Variants in ZSWIM6 observed in about 807,000 individuals in gnomAD.
ZSWIM6 encodes the protein zinc finger SWIM domain-containing protein 6.
ZSWIM6 carries 9 observed loss-of-function variants against 113.2 expected under a neutral mutation model. The observed-to-expected ratio is 0.08, with a 90% CI of 0.05 to 0.14. The LOEUF (loss-of-function observed/expected upper bound fraction) is 0.14, where lower values mean the gene tolerates loss of function less well. ZSWIM6 is among the 10% of genes least tolerant of loss of function. ZSWIM6 has a pLI of 1.00. For synonymous variants in ZSWIM6, 611 were observed against 606.5 expected, an observed-to-expected ratio of 1.01 and a Z score of -0.11; for missense variants, 1,162 against 1,552.2, an observed-to-expected ratio of 0.75 and a Z score of 4.22.
intron 3 of ZSWIM6, among the ~76,000 whole-genome samples, chr5:61,491,448 T>A (rs1465388689): frequency 6.6e-6 from 1 of 152,114 alleles, no homozygotes; most frequent in Non-Finnish European, 1.5e-5. Flanking sequence ...TTGTTAATTT[T>A]CTCATTCAGA....
intron 9 of ZSWIM6, among the ~76,000 whole-genome samples, chr5:61,533,405 G>A (rs1419543013): frequency 6.6e-6 from 1 of 152,198 alleles, no homozygotes; most frequent in Non-Finnish European, 1.5e-5. Context: ...GAGTAACCCA[G>A]TATTGTTGCT....
At chr5:61,497,434 C>T (rs1198030467) in intron 4 of ZSWIM6, among the ~76,000 whole-genome samples, 2 of 152,118 alleles carry the variant, frequency 1.3e-5, no homozygotes, top group African/African-American at 2.4e-5. Flanking sequence ...CAATTTCTTC[C>T]CCCCATGCTC....
chr5:61,356,814 T>A (rs1744925154), intron 1 of ZSWIM6, among the ~76,000 whole-genome samples: 1 of 142,710 alleles, frequency 7.0e-6, no homozygotes, highest in Admixed American at 7.2e-5. Flanking sequence ...ATATAATTGA[T>A]AAATAAAAAA....
At chr5:61,455,150 TA>T (rs1380671614) in intron 1 of ZSWIM6, among the ~76,000 whole-genome samples, 1 of 152,144 alleles carries the variant, frequency 6.6e-6, no homozygotes, top group African/African-American at 2.4e-5. Context: ...AAAAGTAATT[TA>T]TAAAAAAAAT....
intron 1 of ZSWIM6, among the ~76,000 whole-genome samples, chr5:61,456,545 C>T (rs549289598): frequency 1.5e-3 from 233 of 152,168 alleles, no homozygotes; most frequent in Non-Finnish European, 1.7e-3. Flanking sequence ...TTTACAGTTG[C>T]TGGGGAATAC....
chr5:61,422,459 G>T (rs966122820), intron 1 of ZSWIM6, among the ~76,000 whole-genome samples: 3 of 152,098 alleles, frequency 2.0e-5, no homozygotes, highest in Non-Finnish European at 4.4e-5. Flanking sequence ...TACTGTTTTG[G>T]TTACTATAGC....
intron 1 of ZSWIM6, among the ~76,000 whole-genome samples, chr5:61,357,975 G>A (rs1233867297): frequency 2.0e-5 from 3 of 152,294 alleles, no homozygotes; most frequent in East Asian, 1.9e-4. Flanking sequence ...TATGGCAGAC[G>A]TGGGAAAGTT....
chr5:61,454,643 G>C (rs913316363), intron 1 of ZSWIM6, among the ~76,000 whole-genome samples: 2 of 149,670 alleles, frequency 1.3e-5, no homozygotes, highest in African/African-American at 4.9e-5. Context: ...ATGCAGTGGC[G>C]CGATCTTGGC....
rs1747713469 is a variant in ZSWIM6, at chr5:61,476,667, C to G, written c.1033+3630C>G. On this transcript the variant is annotated intron_variant, in intron 2 of 13. Coordinates refer to ENST00000252744, the MANE Select transcript of ZSWIM6 (RefSeq NM_020928.2). ...AGCTTCCATATTCTTAAAAAAGAAG[C>G]TGGTATCTTTGCTAAGTACTTTTCT... Among the ~76,000 whole-genome samples, 3 of 152,160 alleles carry G rather than the reference C, an allele frequency of 2.0e-5. No individual in the cohort carries two copies. The South Asian group carries it at 6.2e-4, about 31-fold the overall frequency.
chr5:61,530,518 A>G (rs1166655470), intron 8 of ZSWIM6, among the ~76,000 whole-genome samples: 1 of 152,250 alleles, frequency 6.6e-6, no homozygotes, highest in East Asian at 1.9e-4. Flanking sequence ...ATAAAGATGT[A>G]CATCTTAGCA....
chr5:61,426,448 G>A (rs1018774254), intron 1 of ZSWIM6, among the ~76,000 whole-genome samples: 1 of 152,088 alleles, frequency 6.6e-6, no homozygotes, highest in East Asian at 1.9e-4. Flanking sequence ...ATATATGCAA[G>A]CAATATTGTT....
intron 1 of ZSWIM6, among the ~76,000 whole-genome samples, chr5:61,427,041 T>C (rs1367599400): frequency 6.6e-6 from 1 of 152,232 alleles, no homozygotes; most frequent in Non-Finnish European, 1.5e-5. Context: ...GGAAACACTT[T>C]AAGACCATGA....
intron 1 of ZSWIM6, among the ~76,000 whole-genome samples, chr5:61,367,344 C>G (rs1745180789): frequency 6.6e-6 from 1 of 152,090 alleles, no homozygotes; most frequent in Non-Finnish European, 1.5e-5. Flanking sequence ...CAGCCTTGTA[C>G]TCCTGGGTTC....
intron 3 of ZSWIM6, among the ~76,000 whole-genome samples, chr5:61,491,158 T>C (rs1164141351): frequency 6.6e-6 from 1 of 152,024 alleles, no homozygotes. Context: ...ATCAATAAAA[T>C]GGTGATAATT....
intron 1 of ZSWIM6, among the ~76,000 whole-genome samples, chr5:61,353,803 G>A (rs978358123): frequency 2.6e-4 from 40 of 151,602 alleles, no homozygotes; most frequent in African/African-American, 9.7e-4. Context: ...TCGATTTTTA[G>A]TGGGAGACTG....
chr5:61,497,336 C>T (rs2112224370), intron 4 of ZSWIM6, among the ~76,000 whole-genome samples: 1 of 152,228 alleles, frequency 6.6e-6, no homozygotes, highest in Middle Eastern at 3.4e-3. Context: ...GTTGATGTTT[C>T]AAAATTAATT....
chr5:61,431,588 A>T (rs1351841511), intron 1 of ZSWIM6, among the ~76,000 whole-genome samples: 2 of 147,804 alleles, frequency 1.4e-5, no homozygotes, highest in East Asian at 4.1e-4. Context: ...TACTAAAAAT[A>T]AAAAAAATTA....
At chr5:61,493,042 C>T (rs1197422605) in intron 3 of ZSWIM6, among the ~76,000 whole-genome samples, 1 of 152,124 alleles carries the variant, frequency 6.6e-6, no homozygotes, top group African/African-American at 2.4e-5. Context: ...TTAGGGCTTG[C>T]TGCAGAGAGG....
chr5:61,483,522 T>C (rs545662601), intron 2 of ZSWIM6, among the ~76,000 whole-genome samples: 1 of 152,296 alleles, frequency 6.6e-6, no homozygotes, highest in South Asian at 2.1e-4. Flanking sequence ...TCTATGTATG[T>C]ATATATGTAA....
Sources: gnomAD v4.1 joint callset for allele counts (sites outside exome capture counted in the v4.1 genomes callset) on GRCh38, gnomAD v4.1.1 for gene constraint, MANE v1.5 for transcripts, NCBI Gene and HGNC (gene_info 2026-07-23, HGNC 2026-07-21) for gene names.